KCMF1: variants seen among roughly 807,000 people sequenced by gnomAD.
The protein encoded by KCMF1 is E3 ubiquitin-protein ligase KCMF1.
In KCMF1, 3 loss-of-function variants were observed where a neutral mutation model predicts 41.1. That is an observed-to-expected ratio of 0.07 (90% CI 0.03 to 0.19). The LOEUF (loss-of-function observed/expected upper bound fraction) is 0.19. Ranked by LOEUF, KCMF1 falls within the 10% of genes least tolerant of loss-of-function variation. The probability of loss-of-function intolerance (pLI) is 1.00; values close to 1 mark genes in which losing one functional copy is unlikely to be tolerated. For missense variants in KCMF1, 286 were observed against 488.9 expected (o/e 0.58, Z 3.91); for synonymous variants, 142 against 164.5 (o/e 0.86, Z 1.04).
In KCMF1 at chr2:85,024,251, G is replaced by A. The variant is rs1052028100; in HGVS notation, c.17-3638G>A. Among the ~76,000 whole-genome samples the A allele has an allele frequency of 3.3e-5, 5 of 152,088 alleles. No individual in the cohort carries two copies. In the South Asian group the frequency reaches 8.3e-4, roughly 25 times the overall value. ...TTCCAGCACTTTGGGAGGCCCAGGC[G>A]GGCAGATCACCCGGAGTTCGAGACC... On this transcript the variant is annotated intron_variant, in intron 1 of 6. Coordinates refer to ENST00000409785, the MANE Select transcript of KCMF1 (RefSeq NM_020122.5).
chr2:85,019,182 A>G (rs1371188019), intron 1 of KCMF1, among the ~76,000 whole-genome samples: 1 of 152,236 alleles, frequency 6.6e-6, no homozygotes, highest in East Asian at 1.9e-4. Flanking sequence ...GATACCAGGT[A>G]AAATCACTAT....
At chr2:85,041,893 A>G (rs895247165) in intron 3 of KCMF1, among the ~76,000 whole-genome samples, 1 of 152,112 alleles carries the variant, frequency 6.6e-6, no homozygotes, top group African/African-American at 2.4e-5. Context: ...CGTGAAAAGT[A>G]AAATATGTAT....
chr2:85,012,728 G>C (rs1356361505), intron 1 of KCMF1, among the ~76,000 whole-genome samples: 1 of 152,156 alleles, frequency 6.6e-6, no homozygotes, highest in Non-Finnish European at 1.5e-5. Context: ...TCTATACTTT[G>C]TATTAATTAT....
At chr2:84,996,054 T>C (rs1426436524) in intron 1 of KCMF1, among the ~76,000 whole-genome samples, 1 of 152,224 alleles carries the variant, frequency 6.6e-6, no homozygotes, top group East Asian at 1.9e-4. Context: ...GCTCATAGTT[T>C]CAAGTTCCAA....
chr2:85,030,723 G>A (rs1675247300), intron 2 of KCMF1, among the ~76,000 whole-genome samples: 1 of 152,062 alleles, frequency 6.6e-6, no homozygotes, highest in Non-Finnish European at 1.5e-5. Flanking sequence ...TTTTGACACA[G>A]AGTCTCACTT....
intron 3 of KCMF1, among the ~76,000 whole-genome samples, chr2:85,040,284 A>G (rs1558584812): frequency 6.6e-6 from 1 of 152,168 alleles, no homozygotes; most frequent in Non-Finnish European, 1.5e-5. Flanking sequence ...GATAAATATT[A>G]ATGTTGACAA....
At chr2:85,045,177 C>CTGCA (rs763711215) in intron 4 of KCMF1, among the ~76,000 whole-genome samples, 19 of 152,110 alleles carry the variant, frequency 1.2e-4, no homozygotes, top group Non-Finnish European at 2.2e-4. Context: ...GAGCTCAAGG[C>CTGCA]TGCAGTAAGC....
rs776839041 is a variant in KCMF1, at chr2:85,035,094, A to G, written c.263A>G (p.Tyr88Cys). 2.7e-5 allele frequency: 44 copies of G among 1,613,562 alleles called. No homozygotes were observed. Among genetic ancestry groups the G allele is most frequent in the Non-Finnish European group, 3.4e-5 (40 of 1,179,590 alleles). ...TGTCCCTATTGTGGAAAAATGGGCT[A>G]TACGGAGACATCTCTTCAAGAACAT... ...FTCPYCGKMG[Y>C]TETSLQEHVT... The change falls in exon 3 of 7, where the codon TAT (tyrosine) becomes TGT (cysteine). Residue 88 changes from tyrosine (Y) to cysteine (C), a missense_variant. Physicochemically the swap from Tyr to Cys is radical, Grantham distance 194 (BLOSUM62 -2). This residue lies in a region of KCMF1 where 95 missense variants were observed against 209.6 expected (regional missense o/e 0.45). Coordinates refer to ENST00000409785, the MANE Select transcript of KCMF1 (RefSeq NM_020122.5).
chr2:84,989,789 G>A (rs188187428), intron 1 of KCMF1, among the ~76,000 whole-genome samples: 1 of 152,276 alleles, frequency 6.6e-6, no homozygotes, highest in African/African-American at 2.4e-5. Flanking sequence ...AAGGGACTTT[G>A]GTTTTGGCAT....
intron 1 of KCMF1, among the ~76,000 whole-genome samples, chr2:84,994,969 G>A (rs534722391): frequency 2.6e-4 from 40 of 151,998 alleles, no homozygotes; most frequent in African/African-American, 3.1e-4. Flanking sequence ...TTCATCGCCT[G>A]TATTTCTTTT....
rs201555579 is a variant in KCMF1 at position 85,027,878 on chromosome 2, T to C, written c.17-11T>C. On this transcript the variant is annotated splice_polypyrimidine_tract_variant and intron_variant, in intron 1 of 6. Coordinates refer to ENST00000409785, the MANE Select transcript of KCMF1 (RefSeq NM_020122.5). ...ACAACTGGTAACTAAAGATATTTCT[T>C]TTTTTTATAGGTGTCAGCTGTGATG... The C allele has an allele frequency of 1.3e-5, 20 of 1,573,346 alleles. 1 individual carries two copies. In the African/African-American group the frequency reaches 2.3e-4, roughly 18 times the overall value.
chr2:84,977,170 C>T (rs1423616201), intron 1 of KCMF1, among the ~76,000 whole-genome samples: 1 of 152,102 alleles, frequency 6.6e-6, no homozygotes, highest in Non-Finnish European at 1.5e-5. Context: ...TGAGCCATTG[C>T]TCCTAGCCTT....
intron 1 of KCMF1, among the ~76,000 whole-genome samples, chr2:84,990,184 A>G (rs1029501365): frequency 1.3e-5 from 2 of 152,236 alleles, no homozygotes; most frequent in African/African-American, 4.8e-5. Flanking sequence ...GGCTGGACCC[A>G]GATTGCAATG....
chr2:85,017,919 G>T (rs1427358596), intron 1 of KCMF1, among the ~76,000 whole-genome samples: 2 of 152,004 alleles, frequency 1.3e-5, no homozygotes, highest in Non-Finnish European at 2.9e-5. Context: ...GTTCCCACTA[G>T]AGGGCATCCT....
At chr2:84,973,846 T>TG (rs1242773956) in intron 1 of KCMF1, among the ~76,000 whole-genome samples, 1 of 148,722 alleles carries the variant, frequency 6.7e-6, no homozygotes, top group South Asian at 2.1e-4. Flanking sequence ...TTTTTTTTTT[T>TG]TAGCTGGAGT....
chr2:84,982,994 G>T (rs906711749), intron 1 of KCMF1, among the ~76,000 whole-genome samples: 4 of 152,284 alleles, frequency 2.6e-5, no homozygotes, highest in Non-Finnish European at 4.4e-5. Context: ...TCCTATATTA[G>T]ATCAGTATCA....
In KCMF1 at chr2:84,971,188, G is replaced by A. The variant is rs1269279568; in HGVS notation, c.-264G>A. 1 of 147,010 alleles carries A rather than the reference G, an allele frequency of 6.8e-6. No individual in the cohort carries two copies. Among genetic ancestry groups the A allele is most frequent in the Non-Finnish European group, 1.5e-5 (1 of 65,836 alleles). The allele number at this position is 147,010 out of a possible 1,614,324, so 9.1% of individuals were successfully genotyped here. On this transcript the variant is annotated 5_prime_UTR_variant, in exon 1 of 7. Coordinates refer to ENST00000409785, the MANE Select transcript of KCMF1 (RefSeq NM_020122.5). ...GCCCGAGAGTGACCGGAGTCACGGC[G>A]GGCGCCGGCGGAGCTGCGGCGTCGG...
At chr2:84,995,275 C>T (rs980587052) in intron 1 of KCMF1, among the ~76,000 whole-genome samples, 1 of 152,184 alleles carries the variant, frequency 6.6e-6, no homozygotes, top group African/African-American at 2.4e-5. Context: ...CCACCTTGGC[C>T]TCCCAAAGTG....
chr2:85,036,660 C>T (rs896409702), intron 3 of KCMF1, among the ~76,000 whole-genome samples: 4 of 151,736 alleles, frequency 2.6e-5, no homozygotes, highest in African/African-American at 9.7e-5. Flanking sequence ...GACGTGGTGG[C>T]ACATACCTGT....
Sources: gnomAD v4.1 joint callset for allele counts (sites outside exome capture counted in the v4.1 genomes callset) on GRCh38, gnomAD v4.1.1 for gene constraint, gnomAD v4.1.1 regional missense constraint, MANE v1.5 for transcripts, NCBI Gene and HGNC (gene_info 2026-07-23, HGNC 2026-07-21) for gene names.